Variants in KLF8 observed in about 807,000 individuals in gnomAD.
KLF8 encodes KLF transcription factor 8, also known as Krueppel-like factor 8.
In KLF8, 10 loss-of-function variants were observed where a neutral mutation model predicts 18.2. The observed-to-expected ratio is 0.55, with a 90% CI of 0.34 to 0.93. The LOEUF is 0.93. Among genes scored for constraint, KLF8 ranks in the 40% least tolerant of loss-of-function variants. The pLI is 0.02. For synonymous variants in KLF8, 109 were observed against 97.3 expected (o/e 1.12, Z -0.71); for missense variants, 264 against 277.9 (o/e 0.95, Z 0.36).
At chrX:56,093,947 GTGT>G in the KLF8 span, among the ~76,000 whole-genome samples, 92 of 103,730 alleles carry the variant, frequency 8.9e-4, no homozygotes, top group African/African-American at 3.3e-3. Flanking sequence ...GTGTGTGTGT[GTGT>G]ATGAGAGAGA....
the KLF8 span, among the ~76,000 whole-genome samples, chrX:56,002,776 G>C: frequency 8.9e-6 from 1 of 111,817 alleles, no homozygotes; most frequent in Non-Finnish European, 1.9e-5. Flanking sequence ...CCATAGCTTT[G>C]AAGACTCCAT....
At chrX:56,220,206 C>T in the KLF8 span, among the ~76,000 whole-genome samples, 1 of 112,064 alleles carries the variant, frequency 8.9e-6, no homozygotes, top group African/African-American at 3.2e-5. Flanking sequence ...TTCCTATTCC[C>T]TAAAGAGCAA....
chrX:56,184,737 C>T, the KLF8 span, among the ~76,000 whole-genome samples: 2 of 112,055 alleles, frequency 1.8e-5, no homozygotes, highest in African/African-American at 6.5e-5. Context: ...TGTTCTGCAG[C>T]CACTGCTGCT....
the KLF8 span, among the ~76,000 whole-genome samples, chrX:56,187,476 C>G: frequency 2.2e-4 from 25 of 111,600 alleles, no homozygotes; most frequent in African/African-American, 7.9e-4. Flanking sequence ...CCTTCTGAAA[C>G]TATTCCAATC....
chrX:56,208,792 T>G, the KLF8 span, among the ~76,000 whole-genome samples: 7 of 112,039 alleles, frequency 6.2e-5, no homozygotes, highest in African/African-American at 2.3e-4. Flanking sequence ...TTCAATAATT[T>G]CTACATTCAT....
chrX:56,079,380 T>C, the KLF8 span, among the ~76,000 whole-genome samples: 1 of 111,586 alleles, frequency 9.0e-6, no homozygotes, highest in African/African-American at 3.3e-5. Flanking sequence ...TCTTTATTTC[T>C]GCCTTCATTT....
the KLF8 span, among the ~76,000 whole-genome samples, chrX:56,060,611 C>A: frequency 5.4e-5 from 6 of 112,016 alleles, no homozygotes; most frequent in East Asian, 1.7e-3. Flanking sequence ...AGGATTTTTA[C>A]ATCGATGTTC....
chrX:56,054,850 CT>C, the KLF8 span, among the ~76,000 whole-genome samples: 1 of 111,553 alleles, frequency 9.0e-6, no homozygotes, highest in African/African-American at 3.3e-5. Flanking sequence ...TTTTCTTTGT[CT>C]TTTTTGATGT....
At chrX:56,270,067 A>G in intron 4 of KLF8, 115 bp from the exon 5 acceptor site, 2 of 747,243 alleles carry the variant, frequency 2.7e-6, no homozygotes, top group Non-Finnish European at 3.9e-6. Flanking sequence ...GGGACCTAGC[A>G]TTAAATTCAC....
In KLF8 at chrX:56,243,235, C is replaced by A; in HGVS notation, c.8-6996C>A. ...GGGCACTCCTCCGAGGATATTTGGG[C>A]TGCCTACAGAGTCGCAGTGACTTGG... On this transcript the variant is annotated intron_variant, in intron 1 of 5. Coordinates refer to ENST00000468660, the MANE Select transcript of KLF8 (RefSeq NM_007250.5). 4 of 453,642 alleles carry A rather than the reference C, an allele frequency of 8.8e-6. No individual in the cohort carries two copies. In the East Asian group the frequency reaches 1.8e-4, roughly 20 times the overall value. The allele number at this position is 453,642 out of a possible 1,213,427, so 37.4% of individuals were successfully genotyped here. A position where few individuals can be genotyped will look rare whatever the true frequency, so the allele number is the denominator to read the frequency against.
At chrX:56,049,284 C>A in the KLF8 span, among the ~76,000 whole-genome samples, 2 of 111,290 alleles carry the variant, frequency 1.8e-5, no homozygotes, top group African/African-American at 3.3e-5. Flanking sequence ...ATTATCCTGG[C>A]CAGAACTTCC....
the KLF8 span, among the ~76,000 whole-genome samples, chrX:56,118,876 T>TC: frequency 1.2e-3 from 138 of 111,997 alleles, no homozygotes; most frequent in African/African-American, 4.4e-3. Context: ...TATATTCATT[T>TC]GTTGTATATA....
the KLF8 span, among the ~76,000 whole-genome samples, chrX:56,018,816 A>G: frequency 1.8e-5 from 2 of 110,635 alleles, no homozygotes; most frequent in Non-Finnish European, 3.8e-5. Flanking sequence ...AAAACAAATG[A>G]GAGAGTAAGA....
chrX:56,174,333 T>G, the KLF8 span, among the ~76,000 whole-genome samples: 5 of 112,062 alleles, frequency 4.5e-5, no homozygotes, highest in Non-Finnish European at 9.4e-5. Flanking sequence ...CAAAGGCCTT[T>G]TCTGCATTTA....
the KLF8 span, among the ~76,000 whole-genome samples, chrX:56,038,897 G>A: frequency 3.6e-5 from 4 of 111,498 alleles, no homozygotes; most frequent in African/African-American, 1.3e-4. Flanking sequence ...GACTTTTTTA[G>A]CCATTCTGAC....
chrX:56,192,005 G>A, the KLF8 span, among the ~76,000 whole-genome samples: 2 of 111,317 alleles, frequency 1.8e-5, no homozygotes, highest in East Asian at 2.8e-4. Context: ...GAAATAAAGG[G>A]CATACAAATC....
At chrX:55,976,069 A>G in the KLF8 span, among the ~76,000 whole-genome samples, 2 of 111,979 alleles carry the variant, frequency 1.8e-5, no homozygotes, top group Non-Finnish European at 3.8e-5. Flanking sequence ...AGATCACGCC[A>G]TTGCACTCCA....
the KLF8 span, among the ~76,000 whole-genome samples, chrX:56,090,699 C>T: frequency 6.3e-5 from 7 of 111,132 alleles, no homozygotes; most frequent in African/African-American, 9.8e-5. Context: ...AGGTTTATTA[C>T]GTGGATATAT....
chrX:55,924,562 A>G, the KLF8 span, among the ~76,000 whole-genome samples: 1 of 111,816 alleles, frequency 8.9e-6, no homozygotes, highest in Non-Finnish European at 1.9e-5. Context: ...AAAATAGTGC[A>G]TGGCACATGT....
Sources: gnomAD v4.1 joint callset for allele counts (sites outside exome capture counted in the v4.1 genomes callset) on GRCh38, gnomAD v4.1.1 for gene constraint, MANE v1.5 for transcripts, NCBI Gene and HGNC (gene_info 2026-07-23, HGNC 2026-07-21) for gene names.